The following SLC9C2 variants were observed in gnomAD, a reference collection of about 807,000 sequenced individuals.
SLC9C2 encodes the protein sodium/hydrogen exchanger 11.
Under a neutral mutation model 140.2 loss-of-function variants are expected in SLC9C2, and 75 were observed. The observed-to-expected ratio is 0.53, with a 90% confidence interval of 0.44 to 0.65. The LOEUF (loss-of-function observed/expected upper bound fraction) is 0.65. SLC9C2 is among the 30% of genes least tolerant of loss of function. The probability of loss-of-function intolerance (pLI) is 0.00; values close to 1 mark genes in which losing one functional copy is unlikely to be tolerated. For missense variants in SLC9C2, 1,074 were observed against 1,331.8 expected, an observed-to-expected ratio of 0.81 and a Z score of 3.01; for synonymous variants, 375 against 420.9, an observed-to-expected ratio of 0.89 and a Z score of 1.34.
chr1:173,534,081 T>G (rs574638827), intron 16 of SLC9C2, among the ~76,000 whole-genome samples: 1 of 152,148 alleles, frequency 6.6e-6, no homozygotes, highest in East Asian at 1.9e-4. Context: ...AAGTATGAAA[T>G]AGTAATGCTC....
At chr1:173,574,737 C>T (rs1410653224) in intron 8 of SLC9C2, among the ~76,000 whole-genome samples, 2 of 152,010 alleles carry the variant, frequency 1.3e-5, no homozygotes, top group East Asian at 3.9e-4. Context: ...GTCTTGATCT[C>T]CTGACCTCGT....
At chr1:173,554,115 T>C (rs1663505067) in intron 11 of SLC9C2, among the ~76,000 whole-genome samples, 1 of 152,266 alleles carries the variant, frequency 6.6e-6, no homozygotes, top group Non-Finnish European at 1.5e-5. Context: ...AGCCTGCTGT[T>C]ATCTCCCAAC....
intron 7 of SLC9C2, among the ~76,000 whole-genome samples, chr1:173,577,341 G>A (rs542487531): frequency 2.6e-5 from 4 of 152,190 alleles, no homozygotes; most frequent in Admixed American, 6.5e-5. Context: ...GATGACTCCA[G>A]TTCCTTACAC....
At chr1:173,593,074 A>AT (rs1666256659) in intron 4 of SLC9C2, among the ~76,000 whole-genome samples, 1 of 152,210 alleles carries the variant, frequency 6.6e-6, no homozygotes, top group South Asian at 2.1e-4. Context: ...GAGATCTTGA[A>AT]TGAAGCACTA....
intron 8 of SLC9C2, among the ~76,000 whole-genome samples, chr1:173,574,958 A>T (rs1665080917): frequency 6.6e-6 from 1 of 152,028 alleles, no homozygotes; most frequent in Non-Finnish European, 1.5e-5. Context: ...ATCTCTACAA[A>T]AAATACGAAA....
At chr1:173,558,704 T>C (rs1361607905) in intron 9 of SLC9C2, among the ~76,000 whole-genome samples, 4 of 152,244 alleles carry the variant, frequency 2.6e-5, no homozygotes, top group Admixed American at 6.5e-5. Context: ...ATGATACATA[T>C]GTATCCATAC....
At chr1:173,582,409 T>TG (rs1665601335) in intron 6 of SLC9C2, among the ~76,000 whole-genome samples, 1 of 152,212 alleles carries the variant, frequency 6.6e-6, no homozygotes, top group Non-Finnish European at 1.5e-5. Flanking sequence ...AGTTAGTTTA[T>TG]GACCCCTGCC....
chr1:173,598,006 T>C lies in SLC9C2; in HGVS notation c.255A>G (p.Leu85=). Residue 85 remains leucine (L), a synonymous_variant, in exon 4 of 28, where the codon CTA becomes CTG. Coordinates refer to ENST00000367714, the MANE Select transcript of SLC9C2 (RefSeq NM_178527.4). ...AATAAAGTGAAAAACTTGATGTTCT[T>C]AGAAGAGGGTAGACAATTTGGTGCA... is the stretch of plus-strand genomic sequence containing the variant. ...VEVHQIVYPL[L]RTSSFSLYSY... is the part of the protein sequence containing the mutation. 11 of 1,594,444 alleles carry C rather than the reference T, an allele frequency of 6.9e-6. No individual in the cohort carries two copies. Among genetic ancestry groups the C allele is most frequent in the Non-Finnish European group, 8.5e-6 (10 of 1,170,822 alleles).
chr1:173,530,083 C>A (rs772924364), intron 17 of SLC9C2, 29 bp from the exon 18 acceptor site: 83 of 1,557,020 alleles, frequency 5.3e-5, no homozygotes, highest in Non-Finnish European at 6.7e-5. Context: ...GAAAAAAAAA[C>A]CTGTACATTT....
In SLC9C2 at chr1:173,503,333, A is replaced by G; in HGVS notation, c.3311-7T>C. 1.2e-6 allele frequency: 2 copies of G among 1,612,340 alleles called. No individual in the cohort carries two copies. The highest frequency in any genetic ancestry group is 2.2e-5 in the South Asian group (2 of 90,672). On this transcript the variant is annotated splice_region_variant and splice_polypyrimidine_tract_variant and intron_variant, in intron 26 of 27. Coordinates refer to ENST00000367714, the MANE Select transcript of SLC9C2 (RefSeq NM_178527.4). ...AAGACCGTGTTGACTGAGGCTAACC[A>G]AATCCAAGCATTGAACAGAAAAAGT...
intron 9 of SLC9C2, among the ~76,000 whole-genome samples, chr1:173,560,657 A>C (rs952607525): frequency 1.3e-5 from 2 of 152,120 alleles, no homozygotes; most frequent in African/African-American, 4.8e-5. Context: ...CCCTCTCAGA[A>C]TCTGCTTCCA....
chr1:173,525,888 G>A (rs987956179), intron 19 of SLC9C2, among the ~76,000 whole-genome samples: 2 of 152,208 alleles, frequency 1.3e-5, no homozygotes, highest in South Asian at 4.1e-4. Flanking sequence ...TGGGTTTTCT[G>A]AGATAATGCC....
chr1:173,565,851 C>CT (rs541830360), intron 9 of SLC9C2, among the ~76,000 whole-genome samples: 11 of 151,864 alleles, frequency 7.2e-5, no homozygotes, highest in South Asian at 4.2e-4. Flanking sequence ...CGTGGAATGT[C>CT]TTTTTTTTAT....
rs114122803 is a variant in SLC9C2, at chr1:173,535,561, G to A, written c.1775+269C>T. Among the ~76,000 whole-genome samples, 664 of 152,144 alleles carry A rather than the reference G, an allele frequency of 4.4e-3. 4 individuals are homozygous for A. The highest frequency in any genetic ancestry group is 0.014 in the South Asian group (67 of 4,806). ...TATCCAGAAGAATATTAAGCAGCCC[G>A]CAACACACTACAACCCTCAGACACA... On this transcript the variant is annotated intron_variant, in intron 15 of 27. Coordinates refer to ENST00000367714, the MANE Select transcript of SLC9C2 (RefSeq NM_178527.4).
intron 13 of SLC9C2, among the ~76,000 whole-genome samples, chr1:173,541,779 A>C (rs959300731): frequency 6.6e-6 from 1 of 152,240 alleles, no homozygotes; most frequent in Non-Finnish European, 1.5e-5. Flanking sequence ...TAACAAAATG[A>C]AGGCAGAAAT....
chr1:173,510,540 G>A (rs887656299), intron 23 of SLC9C2, among the ~76,000 whole-genome samples: 7 of 152,118 alleles, frequency 4.6e-5, no homozygotes, highest in Non-Finnish European at 1.0e-4. Context: ...CTGTGTCCAT[G>A]TGTTCTCATT....
intron 17 of SLC9C2, among the ~76,000 whole-genome samples, chr1:173,531,527 C>T (rs1661580567): frequency 1.3e-5 from 2 of 152,194 alleles, no homozygotes; most frequent in African/African-American, 4.8e-5. Context: ...GCATTAACAG[C>T]ACAAAGCCCT....
chr1:173,576,542 A>G, intron 8 of SLC9C2, 119 bp downstream of exon 8: 1 of 592,292 alleles, frequency 1.7e-6, no homozygotes. Context: ...TAGCAAAAAT[A>G]AAATTTTCAA....
In SLC9C2 at chr1:173,573,203, A is replaced by G; in HGVS notation, c.1025T>C (p.Phe342Ser). 6.4e-7 allele frequency: 1 copy of G among 1,558,282 alleles called. No individual in the cohort carries two copies. Among genetic ancestry groups the G allele is most frequent in the Non-Finnish European group, 8.8e-7 (1 of 1,141,102 alleles). Reference protein sequence around the residue: ...FHTIPFIFILFTTVNLVRLLT... With the variant: ...FHTIPFIFILSTTVNLVRLLT... The stretch of plus-strand genomic sequence containing the variant: ...TTACCTTACCAAATTCACTGTTGTA[A>G]ATAAAATGAATATGAAAGGTATAGT... The change falls in exon 9 of 28, where the codon TTT becomes TCT. Residue 342 changes from phenylalanine (F) to serine (S), a missense_variant. Coordinates refer to ENST00000367714, the MANE Select transcript of SLC9C2 (RefSeq NM_178527.4).
Sources: gnomAD v4.1 joint callset for allele counts (sites outside exome capture counted in the v4.1 genomes callset) on GRCh38, gnomAD v4.1.1 for gene constraint, MANE v1.5 for transcripts, NCBI Gene and HGNC (gene_info 2026-07-23, HGNC 2026-07-21) for gene names.